RASAL2: variants seen among roughly 807,000 people sequenced by gnomAD.
The protein encoded by RASAL2 is ras GTPase-activating protein nGAP.
A neutral mutation model predicts 128.9 loss-of-function variants in RASAL2; 58 were observed. The ratio of observed to expected loss-of-function variants is 0.45; its 90% CI spans 0.36 to 0.56. RASAL2 has a LOEUF of 0.56. RASAL2 is among the 20% of genes least tolerant of loss of function. The probability of loss-of-function intolerance (pLI) is 0.00; values close to 1 mark genes in which losing one functional copy is unlikely to be tolerated. For synonymous variants in RASAL2, 561 were observed against 580.8 expected, an observed-to-expected ratio of 0.97 and a Z score of 0.49; for missense variants, 1,360 against 1,601.6, an observed-to-expected ratio of 0.85 and a Z score of 2.57.
At chr1:178,234,143 C>T (rs1664131424) in intron 1 of RASAL2, among the ~76,000 whole-genome samples, 1 of 152,088 alleles carries the variant, frequency 6.6e-6, no homozygotes, top group Non-Finnish European at 1.5e-5. Flanking sequence ...TTTTGGAGCA[C>T]ATGTGAAAAA....
intron 2 of RASAL2, among the ~76,000 whole-genome samples, chr1:178,296,981 T>G (rs949621737): frequency 2.6e-5 from 4 of 151,798 alleles, no homozygotes; most frequent in Non-Finnish European, 5.9e-5. Flanking sequence ...CCAATTTTTT[T>G]TTTTAGTTGA....
chr1:178,358,962 T>C (rs141018835), intron 3 of RASAL2, among the ~76,000 whole-genome samples: 1 of 152,146 alleles, frequency 6.6e-6, no homozygotes, highest in Non-Finnish European at 1.5e-5. Flanking sequence ...ATTCAAACAA[T>C]GTAAAAATTA....
intron 1 of RASAL2, among the ~76,000 whole-genome samples, chr1:178,226,007 A>G (rs1453402587): frequency 2.0e-5 from 3 of 152,180 alleles, no homozygotes; most frequent in African/African-American, 7.2e-5. Flanking sequence ...CGAAATCTTG[A>G]TACAGTTTTC....
intron 2 of RASAL2, among the ~76,000 whole-genome samples, chr1:178,295,728 G>C (rs948621246): frequency 1.8e-4 from 28 of 152,110 alleles, no homozygotes; most frequent in Middle Eastern, 3.2e-3. Context: ...TAAGTTCCTG[G>C]GTTATGCTGT....
chr1:178,414,664 A>G (rs980081420), intron 4 of RASAL2, among the ~76,000 whole-genome samples: 3 of 152,166 alleles, frequency 2.0e-5, no homozygotes, highest in Non-Finnish European at 4.4e-5. Context: ...CTTCTGAAAG[A>G]CATTGTAGAG....
intron 1 of RASAL2, among the ~76,000 whole-genome samples, chr1:178,256,568 G>A (rs1400916867): frequency 6.6e-6 from 1 of 152,186 alleles, no homozygotes; most frequent in African/African-American, 2.4e-5. Flanking sequence ...CTGTTTGCAA[G>A]TGATATGTTC....
At chr1:178,167,397 GCTTA>G (rs1169060137) in intron 1 of RASAL2, among the ~76,000 whole-genome samples, 4 of 152,044 alleles carry the variant, frequency 2.6e-5, no homozygotes, top group African/African-American at 7.2e-5. Flanking sequence ...ATAAAGCTGT[GCTTA>G]CTTTTCAGAT....
intron 3 of RASAL2, among the ~76,000 whole-genome samples, chr1:178,348,393 G>A (rs1014594936): frequency 2.6e-5 from 4 of 152,130 alleles, no homozygotes; most frequent in African/African-American, 9.7e-5. Flanking sequence ...CTTGGCTCAA[G>A]TGATTCTCCC....
chr1:178,442,778 C>T lies in RASAL2; in HGVS notation c.1031C>T (p.Thr344Ile). 1 of 1,613,882 alleles carries T rather than the reference C, an allele frequency of 6.2e-7. No homozygotes were observed. Among genetic ancestry groups the T allele is most frequent in the South Asian group, 1.1e-5 (1 of 91,066 alleles). Reference protein sequence around the residue: ...KYFCELCLDDTLFARTTSKTK... With the variant: ...KYFCELCLDDILFARTTSKTK... ...TTCTGCGAACTGTGCCTTGATGATA[C>T]CCTCTTTGCTCGTACAACCAGCAAG... Residue 344 changes from threonine to isoleucine, a missense_variant, in exon 8 of 18, where the codon ACC (threonine) becomes ATC (isoleucine). Physicochemically the swap from Thr to Ile is moderately conservative, Grantham distance 89. Coordinates refer to ENST00000367649, the MANE Select transcript of RASAL2 (RefSeq NM_170692.4).
chr1:178,412,612 A>T (rs956543805), intron 4 of RASAL2, among the ~76,000 whole-genome samples: 5 of 152,212 alleles, frequency 3.3e-5, no homozygotes, highest in African/African-American at 7.2e-5. Flanking sequence ...CCATGATTTC[A>T]TGTATGTATT....
intron 17 of RASAL2, among the ~76,000 whole-genome samples, chr1:178,469,562 CAT>C (rs1431051893): frequency 6.6e-6 from 1 of 152,190 alleles, no homozygotes; most frequent in Non-Finnish European, 1.5e-5. Context: ...AGGAGGGTGT[CAT>C]GTGTAGGAAT....
chr1:178,153,839 T>C (rs1170378866), intron 1 of RASAL2, among the ~76,000 whole-genome samples: 1 of 152,118 alleles, frequency 6.6e-6, no homozygotes, highest in African/African-American at 2.4e-5. Flanking sequence ...ATGATTAACA[T>C]TTTTTTGTTT....
intron 1 of RASAL2, among the ~76,000 whole-genome samples, chr1:178,267,447 T>C (rs1666013817): frequency 6.6e-6 from 1 of 151,938 alleles, no homozygotes; most frequent in Admixed American, 6.6e-5. Flanking sequence ...ATGCTGAGTA[T>C]GGTTGAATAT....
At chr1:178,165,617 C>T (rs1204961508) in intron 1 of RASAL2, among the ~76,000 whole-genome samples, 2 of 152,094 alleles carry the variant, frequency 1.3e-5, no homozygotes, top group Non-Finnish European at 1.5e-5. Flanking sequence ...AATGCAAACA[C>T]AGTATGTTTT....
chr1:178,110,669 A>C (rs1659286094), intron 1 of RASAL2, among the ~76,000 whole-genome samples: 1 of 88,120 alleles, frequency 1.1e-5, no homozygotes, highest in African/African-American at 3.9e-5. Flanking sequence ...TATACTGCAA[A>C]CTCCACCTTC....
intron 12 of RASAL2, 142 bp downstream of exon 12, chr1:178,454,790 T>G (rs949410885): frequency 1.6e-6 from 1 of 644,270 alleles, no homozygotes; most frequent in African/African-American, 1.8e-5. Context: ...TCATCATTTC[T>G]GAGTAAAATA....
At chr1:178,136,898 T>A (rs140076030) in intron 1 of RASAL2, among the ~76,000 whole-genome samples, 5 of 152,160 alleles carry the variant, frequency 3.3e-5, no homozygotes, top group Non-Finnish European at 5.9e-5. Flanking sequence ...TGTTCAGAGC[T>A]TTAGAAGAAG....
chr1:178,378,597 A>G (rs1044169321), intron 3 of RASAL2, among the ~76,000 whole-genome samples: 1 of 152,178 alleles, frequency 6.6e-6, no homozygotes. Context: ...TTCTCTAATA[A>G]CAGTTGAACT....
At chr1:178,208,435 C>T (rs1663131235) in intron 1 of RASAL2, among the ~76,000 whole-genome samples, 1 of 152,078 alleles carries the variant, frequency 6.6e-6, no homozygotes, top group Non-Finnish European at 1.5e-5. Context: ...CTGAGATACG[C>T]CCTGGTCTTC....
Sources: gnomAD v4.1 joint callset for allele counts (sites outside exome capture counted in the v4.1 genomes callset) on GRCh38, gnomAD v4.1.1 for gene constraint, MANE v1.5 for transcripts, NCBI Gene and HGNC (gene_info 2026-07-23, HGNC 2026-07-21) for gene names.